The following PRSS3 variants were observed in gnomAD, a reference collection of about 807,000 sequenced individuals.
PRSS3 encodes the protein serine protease 3.
Under a neutral mutation model 20.8 loss-of-function variants are expected in PRSS3, and 14 were observed. The observed-to-expected ratio is 0.67, with a 90% CI of 0.44 to 1.05. PRSS3 has a LOEUF of 1.05. Ranked by LOEUF, PRSS3 falls within the 50% of genes least tolerant of loss-of-function variation. The pLI, the probability that PRSS3 is intolerant of heterozygous loss-of-function variation, is 0.00. For missense variants in PRSS3, 237 were observed against 306.4 expected (o/e 0.77, Z 1.69); for synonymous variants, 91 against 117.6 (o/e 0.77, Z 1.46).
At position 33,788,855 on chromosome 9, in the gene PRSS3, C is replaced by T. The variant is rs1824515893; in HGVS notation, c.-52-5891C>T. Among the ~76,000 whole-genome samples the T allele has an allele frequency of 2.6e-5, 4 of 152,174 alleles. No individual in the cohort carries two copies. The South Asian group carries it at 8.3e-4, about 32-fold the overall frequency. On this transcript the variant is annotated intron_variant, in intron 1 of 5. Transcript: ENST00000342836. The stretch of plus-strand genomic sequence containing the variant: ...TTCAGTCATATTTTTCTTCTTTTTG[C>T]TTCTCTATGCTACAATCTGGGTAAT...
chr9:33,789,277 A>T (rs1405022333), intron 1 of PRSS3, among the ~76,000 whole-genome samples: 1 of 152,198 alleles, frequency 6.6e-6, no homozygotes, highest in Non-Finnish European at 1.5e-5. Flanking sequence ...AGAAATATTC[A>T]TGCTTGCCTC....
At chr9:33,754,900 A>G (rs755873559) in intron 1 of PRSS3, among the ~76,000 whole-genome samples, 10 of 152,232 alleles carry the variant, frequency 6.6e-5, no homozygotes, top group Admixed American at 2.0e-4. Flanking sequence ...AACATTGGGT[A>G]GGCAGCTAGC....
At chr9:33,754,093 GTC>G (rs1822823032) in intron 1 of PRSS3, among the ~76,000 whole-genome samples, 1 of 147,206 alleles carries the variant, frequency 6.8e-6, no homozygotes, top group African/African-American at 2.5e-5. Context: ...TCTCTCTCTC[GTC>G]TCTTTCTTTC....
chr9:33,763,920 T>C (rs1025601861), intron 1 of PRSS3, among the ~76,000 whole-genome samples: 11 of 152,158 alleles, frequency 7.2e-5, no homozygotes, highest in African/African-American at 2.2e-4. Context: ...TTCTCCTATT[T>C]CCTCCAGGCT....
At chr9:33,796,847 TGG>T in intron 2 of PRSS3, 45 bp downstream of exon 2, 1 of 1,590,678 alleles carries the variant, frequency 6.3e-7, no homozygotes, top group South Asian at 1.1e-5. Flanking sequence ...CCAGGCTGCC[TGG>T]GAGAGCTTGG....
chr9:33,761,686 A>G (rs1249705868), intron 1 of PRSS3, among the ~76,000 whole-genome samples: 1 of 152,026 alleles, frequency 6.6e-6, no homozygotes, highest in East Asian at 1.9e-4. Flanking sequence ...AGCCTGGACA[A>G]CAAGAGCGAA....
At position 33,761,067 on chromosome 9, in the gene PRSS3, G is replaced by A. The variant is rs34993800; in HGVS notation, c.-53+10340G>A. Among the ~76,000 whole-genome samples the A allele has an allele frequency of 9.9e-3, 1,511 of 152,320 alleles. 8 individuals carry two copies. The highest frequency in any genetic ancestry group is 0.014 in the Non-Finnish European group (933 of 68,024). On this transcript the variant is annotated intron_variant, in intron 1 of 5. Coordinates refer to the PRSS3 transcript ENST00000342836. ...TATGCGCTAGGACTGCTACCAGTAC[G>A]TCCCAGGACAATCAGTCTTTCACAA...
chr9:33,795,476 A>T, upstream of PRSS3: 1 of 1,534,386 alleles, frequency 6.5e-7, no homozygotes, highest in Non-Finnish European at 9.0e-7. Flanking sequence ...TTGTGCTGGG[A>T]AGAACTGTGA....
chr9:33,759,430 G>A (rs1823083223), intron 1 of PRSS3, among the ~76,000 whole-genome samples: 3 of 152,124 alleles, frequency 2.0e-5, no homozygotes, highest in South Asian at 2.1e-4. Context: ...AGAAGGGAAA[G>A]AGAAAATACC....
intron 1 of PRSS3, among the ~76,000 whole-genome samples, chr9:33,773,908 G>A (rs952028688): frequency 1.2e-4 from 18 of 152,184 alleles, no homozygotes; most frequent in African/African-American, 2.4e-5. Context: ...CCAAAGTGCT[G>A]GGATTACAGG....
At chr9:33,778,381 C>T (rs1824033609) in intron 1 of PRSS3, among the ~76,000 whole-genome samples, 2 of 151,990 alleles carry the variant, frequency 1.3e-5, no homozygotes, top group South Asian at 2.1e-4. Context: ...AAGAAAAATA[C>T]TAAAAAGCTG....
chr9:33,789,256 T>C (rs1824531590), intron 1 of PRSS3, among the ~76,000 whole-genome samples: 1 of 152,142 alleles, frequency 6.6e-6, no homozygotes, highest in African/African-American at 2.4e-5. Flanking sequence ...GGAGTAAAAG[T>C]GGGTTTTCTA....
chr9:33,760,414 G>A (rs1385328650), intron 1 of PRSS3, among the ~76,000 whole-genome samples: 1 of 152,026 alleles, frequency 6.6e-6, no homozygotes, highest in Non-Finnish European at 1.5e-5. Flanking sequence ...TCAGAATTTG[G>A]AAGAGCCATG....
chr9:33,752,680 C>G (rs912246913), intron 1 of PRSS3, among the ~76,000 whole-genome samples: 1 of 152,180 alleles, frequency 6.6e-6, no homozygotes, highest in African/African-American at 2.4e-5. Flanking sequence ...GCCCTCTCCC[C>G]GAAACCTTCA....
chr9:33,761,890 G>GA (rs200890148), intron 1 of PRSS3, among the ~76,000 whole-genome samples: 2 of 151,576 alleles, frequency 1.3e-5, no homozygotes, highest in Non-Finnish European at 2.9e-5. Context: ...AAAAAAAGAA[G>GA]AAAAAAAGGT....
chr9:33,759,502 A>C (rs1205483506), intron 1 of PRSS3, among the ~76,000 whole-genome samples: 1 of 152,126 alleles, frequency 6.6e-6, no homozygotes, highest in Non-Finnish European at 1.5e-5. Flanking sequence ...TGGTGAGGGG[A>C]GAAGAGTCCA....
chr9:33,798,032 C>A lies in PRSS3; in HGVS notation c.404C>A (p.Ala135Asp). ...TCTCTGCCCACCACCCCTCCAGCTGCTGGCACTGAGTGCCTCATCTCCGGC... is the reference window on the plus strand; with the variant it reads ...TCTCTGCCCACCACCCCTCCAGCTGATGGCACTGAGTGCCTCATCTCCGGC... The part of the protein sequence containing the change: ...TISLPTTPPA[A>D]GTECLISGWG... The change falls in exon 3 of 5, where the codon GCT becomes GAT. Residue 135 changes from alanine (A) to aspartate (D), a missense_variant. By Grantham distance (126) the Ala-to-Asp change is moderately radical (BLOSUM62 -2). Coordinates refer to ENST00000379405, the MANE Select transcript of PRSS3 (RefSeq NM_002771.4). 1 of 1,614,298 alleles carries A rather than the reference C, an allele frequency of 6.2e-7. No individual in the cohort carries two copies. The highest frequency in any genetic ancestry group is 8.5e-7 in the Non-Finnish European group (1 of 1,180,048).
At chr9:33,756,139 T>G (rs1424952168) in intron 1 of PRSS3, among the ~76,000 whole-genome samples, 2 of 152,246 alleles carry the variant, frequency 1.3e-5, no homozygotes, top group Non-Finnish European at 2.9e-5. Context: ...GTCACTTTTC[T>G]TCCTTCACAC....
intron 1 of PRSS3, among the ~76,000 whole-genome samples, chr9:33,775,724 ATGGAGTCTCACTC>A (rs1203748766): frequency 4.7e-5 from 6 of 127,308 alleles, no homozygotes; most frequent in African/African-American, 1.8e-4. Context: ...TTTTTTGGAG[ATGGAGTCTCACTC>A]TGTCGCCCAG....
Sources: gnomAD v4.1 joint callset for allele counts (sites outside exome capture counted in the v4.1 genomes callset) on GRCh38, gnomAD v4.1.1 for gene constraint, MANE v1.5 for transcripts, NCBI Gene and HGNC (gene_info 2026-07-23, HGNC 2026-07-21) for gene names.